BCHE: variants seen among roughly 807,000 people sequenced by gnomAD.
BCHE encodes the protein butyrylcholinesterase.
A neutral mutation model predicts 51.3 loss-of-function variants in BCHE; 48 were observed. That is an observed-to-expected ratio of 0.94 (90% CI 0.74 to 1.19). The LOEUF (loss-of-function observed/expected upper bound fraction) is 1.19. Ranked by LOEUF, BCHE falls within the 50% of genes most tolerant of loss-of-function variation. The pLI is 0.00. For missense variants in BCHE, 847 were observed against 708.2 expected, an observed-to-expected ratio of 1.20 and a Z score of -2.23; for synonymous variants, 251 against 238.0, an observed-to-expected ratio of 1.05 and a Z score of -0.50.
At chr3:165,836,648 T>C (rs1715200434) in intron 1 of BCHE, among the ~76,000 whole-genome samples, 1 of 152,044 alleles carries the variant, frequency 6.6e-6, no homozygotes, top group African/African-American at 2.4e-5. Context: ...ATTTCTATAA[T>C]AGTAAAATAA....
At chr3:165,814,182 G>T (rs984516530) in intron 2 of BCHE, among the ~76,000 whole-genome samples, 1 of 151,888 alleles carries the variant, frequency 6.6e-6, no homozygotes, top group African/African-American at 2.4e-5. Flanking sequence ...GTCTAGTGCT[G>T]TAAATAGAAT....
intron 2 of BCHE, among the ~76,000 whole-genome samples, chr3:165,825,089 T>C (rs1002539808): frequency 2.0e-4 from 31 of 151,944 alleles, no homozygotes; most frequent in African/African-American, 6.8e-4. Flanking sequence ...AAAAATACTG[T>C]GTAGACATAC....
In BCHE at chr3:165,821,391, C is replaced by T. The variant is rs1328750364; in HGVS notation, c.1517+8126G>A. Reference sequence around the variant, plus strand: ...TCCATCCATAATTTCTTTGACCTTTCCCCAGTTTTTCTGTTGTCATTTAAA... The same window carrying T: ...TCCATCCATAATTTCTTTGACCTTTTCCCAGTTTTTCTGTTGTCATTTAAA... On this transcript the variant is annotated intron_variant, in intron 2 of 3. Coordinates refer to ENST00000264381, the MANE Select transcript of BCHE (RefSeq NM_000055.4). Among the ~76,000 whole-genome samples, 10 of 151,278 alleles carry T rather than the reference C, an allele frequency of 6.6e-5. No homozygotes were observed. In the East Asian group the frequency reaches 2.0e-3, roughly 30 times the overall value.
chr3:165,828,731 AG>A (rs34024060), intron 2 of BCHE, among the ~76,000 whole-genome samples: 3,683 of 152,094 alleles, frequency 0.024, 156 homozygotes, highest in African/African-American at 0.084. Context: ...ATGTAGTGGG[AG>A]AAAAAAAAAC....
At position 165,829,705 on chromosome 3, in the gene BCHE, A is replaced by G. The variant is rs570544890; in HGVS notation, c.1329T>C (p.Asn443=). The change falls in exon 2 of 4, where the codon AAT becomes AAC. Residue 443 remains asparagine (N), a synonymous_variant. Transcript: ENST00000264381. The part of the protein sequence containing the change: ...FTKKFSEWGN[N]AFFYYFEHRS... Reference sequence around the variant, plus strand: ...GGTGTTCAAAATAGTAGAAAAAGGCATTATTTCCCCATTCTGAGAACTTCT... The same window carrying G: ...GGTGTTCAAAATAGTAGAAAAAGGCGTTATTTCCCCATTCTGAGAACTTCT... 51 of 1,613,782 alleles carry G rather than the reference A, an allele frequency of 3.2e-5. No individual in the cohort carries two copies. Among genetic ancestry groups the G allele is most frequent in the Non-Finnish European group, 4.2e-5 (50 of 1,179,934 alleles).
chr3:165,785,704 T>C (rs1712919349), intron 3 of BCHE, among the ~76,000 whole-genome samples: 1 of 151,732 alleles, frequency 6.6e-6, no homozygotes, highest in Non-Finnish European at 1.5e-5. Context: ...CGGAGTTTTT[T>C]TCTCCATTTA....
chr3:165,806,012 G>A (rs1713852472), intron 2 of BCHE, among the ~76,000 whole-genome samples: 1 of 151,848 alleles, frequency 6.6e-6, no homozygotes, highest in African/African-American at 2.4e-5. Flanking sequence ...TGCTGCCCTG[G>A]AACACGACCA....
At chr3:165,807,548 TTTTA>T (rs1553776080) in intron 2 of BCHE, among the ~76,000 whole-genome samples, 3 of 150,784 alleles carry the variant, frequency 2.0e-5, no homozygotes, top group Admixed American at 6.6e-5. Flanking sequence ...ATTTATTTAT[TTTTA>T]TTTATTTATT....
intron 2 of BCHE, chr3:165,827,968 G>A: frequency 2.3e-6 from 1 of 435,180 alleles, no homozygotes; most frequent in Non-Finnish European, 4.6e-6. Flanking sequence ...CCAAATATTT[G>A]TTAAATATGA....
intron 3 of BCHE, among the ~76,000 whole-genome samples, chr3:165,785,886 T>C (rs2108202155): frequency 6.6e-6 from 1 of 151,916 alleles, no homozygotes; most frequent in East Asian, 1.9e-4. Context: ...CTTTTTCTAT[T>C]TTATATTTCC....
At chr3:165,810,740 T>C (rs1008562972) in intron 2 of BCHE, among the ~76,000 whole-genome samples, 4 of 152,150 alleles carry the variant, frequency 2.6e-5, no homozygotes, top group African/African-American at 9.7e-5. Flanking sequence ...ATTGGCTTCC[T>C]TAGCAGTGTT....
At chr3:165,808,777 A>C (rs945106660) in intron 2 of BCHE, among the ~76,000 whole-genome samples, 3 of 152,216 alleles carry the variant, frequency 2.0e-5, no homozygotes, top group Admixed American at 6.5e-5. Flanking sequence ...TTCAAAAAAA[A>C]GGCTGTGACT....
chr3:165,773,757 G>A (rs906111143), intron 3 of BCHE, among the ~76,000 whole-genome samples: 3 of 150,964 alleles, frequency 2.0e-5, no homozygotes, highest in Admixed American at 6.7e-5. Context: ...AATGGAAAAT[G>A]AGTTTATATA....
At chr3:165,810,951 T>C (rs934239534) in intron 2 of BCHE, among the ~76,000 whole-genome samples, 1 of 152,180 alleles carries the variant, frequency 6.6e-6, no homozygotes, top group South Asian at 2.1e-4. Flanking sequence ...CTAAAATACG[T>C]AGTGGAGTGA....
At chr3:165,797,602 A>C (rs1713467867) in intron 2 of BCHE, among the ~76,000 whole-genome samples, 1 of 151,954 alleles carries the variant, frequency 6.6e-6, no homozygotes, top group Non-Finnish European at 1.5e-5. Flanking sequence ...TAGAACACTT[A>C]TTTTAATAAG....
chr3:165,800,876 A>T (rs899112281), intron 2 of BCHE, among the ~76,000 whole-genome samples: 3 of 152,162 alleles, frequency 2.0e-5, no homozygotes, highest in Non-Finnish European at 2.9e-5. Flanking sequence ...ATGATTGGAG[A>T]TTAATAATAA....
At position 165,829,337 on chromosome 3, in the gene BCHE, T is replaced by C. The variant is rs115416324; in HGVS notation, c.1517+180A>G. Among the ~76,000 whole-genome samples, 2,112 of 152,172 alleles carry C rather than the reference T, an allele frequency of 0.014. 20 individuals carry two copies. The highest frequency in any genetic ancestry group is 0.023 in the Non-Finnish European group (1,567 of 67,976). ...ATTTCTAAGATGATGATTTAAACAC[T>C]CTGACACAGGGAGTTGAAATGCAGT... is the stretch of plus-strand genomic sequence containing the variant. On this transcript the variant is annotated intron_variant, in intron 2 of 3. Transcript: ENST00000264381.
intron 3 of BCHE, among the ~76,000 whole-genome samples, chr3:165,784,794 T>C (rs577285682): frequency 6.6e-6 from 1 of 151,966 alleles, no homozygotes; most frequent in Non-Finnish European, 1.5e-5. Flanking sequence ...AATAACCCAC[T>C]CATTATATCT....
At chr3:165,797,454 G>A in intron 2 of BCHE, among the ~76,000 whole-genome samples, 1 of 149,126 alleles carries the variant, frequency 6.7e-6, no homozygotes, top group Non-Finnish European at 1.5e-5. Flanking sequence ...ATGTGAAGAT[G>A]CATTATGTTT....
Sources: allele counts gnomAD v4.1 joint callset (sites outside exome capture counted in the v4.1 genomes callset), GRCh38; gene constraint gnomAD v4.1.1; transcripts MANE v1.5; gene names NCBI Gene and HGNC (gene_info 2026-07-23, HGNC 2026-07-21).